The following VWDE variants were observed in gnomAD, a reference collection of about 807,000 sequenced individuals.
The protein encoded by VWDE is von Willebrand factor D and EGF domain-containing protein.
A neutral mutation model predicts 178.4 loss-of-function variants in VWDE; 207 were observed. The ratio of observed to expected loss-of-function variants is 1.16; its 90% CI spans 1.04 to 1.30. The LOEUF (loss-of-function observed/expected upper bound fraction) is 1.30. Ranked by LOEUF, VWDE falls within the 50% of genes most tolerant of loss-of-function variation. The pLI, the probability that VWDE is intolerant of heterozygous loss-of-function variation, is 0.00. For missense variants in VWDE, 2,287 were observed against 1,901.3 expected, an observed-to-expected ratio of 1.20 and a Z score of -3.77; for synonymous variants, 738 against 651.4, an observed-to-expected ratio of 1.13 and a Z score of -2.02.
At position 12,357,365 on chromosome 7, in the gene VWDE, G is replaced by A. The variant is rs1319255295; in HGVS notation, c.3425C>T (p.Ser1142Phe). The stretch of plus-strand genomic sequence containing the variant: ...TGTTTTCCACATAAAAAGCCCTGCA[G>A]AGGAAACACTTGCCCCTTCAGGACC... ...DSGPEGASVS[S>F]AGLFMWKTDL... The change falls in exon 17 of 29, where the codon TCT becomes TTT. Residue 1142 changes from serine (S) to phenylalanine (F), a missense_variant. Transcript: ENST00000275358. 3 of 1,552,000 alleles carry A rather than the reference G, an allele frequency of 1.9e-6. No individual in the cohort carries two copies. The highest frequency in any genetic ancestry group is 2.6e-6 in the Non-Finnish European group (3 of 1,147,076).
At chr7:12,374,638 CA>C in intron 9 of VWDE, 50 bp downstream of exon 9, 1 of 1,312,836 alleles carries the variant, frequency 7.6e-7, no homozygotes, top group South Asian at 1.4e-5. Flanking sequence ...AATAAAACAA[CA>C]AAATCAAAGC....
intron 18 of VWDE, chr7:12,354,210 A>T: frequency 3.6e-6 from 1 of 277,954 alleles, no homozygotes; most frequent in Non-Finnish European, 7.0e-6. Context: ...ATATTTTTGC[A>T]TCCTTTGTAT....
At position 12,337,051 on chromosome 7, in the gene VWDE, T is replaced by A; in HGVS notation, c.4495A>T (p.Lys1499Ter). 6.4e-7 allele frequency: 1 copy of A among 1,551,612 alleles called. No homozygotes were observed. The highest frequency in any genetic ancestry group is 1.7e-4 in the Middle Eastern group (1 of 5,992). The change falls in exon 26 of 29, where the codon AAA becomes TAA. Residue 1499 changes from lysine to a stop codon, truncating the protein, a stop_gained. Coordinates refer to ENST00000275358, the MANE Select transcript of VWDE (RefSeq NM_001135924.3). LOFTEE classifies it high-confidence loss of function. The stretch of plus-strand genomic sequence containing the variant: ...GAGCAAGTGCTTGGTCCCACACATT[T>A]TCCTCCATTCATGCACGTAGGATCA... Reference protein sequence around the residue: ...ICDPTCMNGGKCVGPSTCSCP... With the variant: ...ICDPTCMNGG
At chr7:12,366,853 T>A (rs939115634) in intron 13 of VWDE, among the ~76,000 whole-genome samples, 5 of 152,108 alleles carry the variant, frequency 3.3e-5, no homozygotes, top group African/African-American at 1.2e-4. Context: ...GTTGATATAC[T>A]AACGTTCAAA....
chr7:12,388,263 A>C (rs1290777846), intron 3 of VWDE, among the ~76,000 whole-genome samples: 1 of 152,180 alleles, frequency 6.6e-6, no homozygotes, highest in Non-Finnish European at 1.5e-5. Context: ...ACAAAAGAGA[A>C]GTGCTCTTAT....
At chr7:12,391,194 T>A (rs1388657612) in intron 2 of VWDE, among the ~76,000 whole-genome samples, 1 of 152,240 alleles carries the variant, frequency 6.6e-6, no homozygotes, top group East Asian at 1.9e-4. Flanking sequence ...ACAGTAGTTA[T>A]GACTGTGTGG....
intron 26 of VWDE, 129 bp downstream of exon 26, chr7:12,336,859 C>A: frequency 1.2e-6 from 1 of 824,716 alleles, no homozygotes; most frequent in Non-Finnish European, 1.9e-6. Context: ...TCTCCTAAAG[C>A]AAGAATAAAT....
At position 12,403,572 on chromosome 7, in the gene VWDE, C is replaced by T. The variant is rs1054226087; in HGVS notation, c.58+87G>A. On this transcript the variant is annotated intron_variant, in intron 1 of 28. Coordinates refer to ENST00000275358, the MANE Select transcript of VWDE (RefSeq NM_001135924.3). ...CCTTAAAACGCACAGGGACGCTCCCCAAGTCGTCCAAAAAGTCTAGCCTAG... is the reference window on the plus strand; with the variant it reads ...CCTTAAAACGCACAGGGACGCTCCCTAAGTCGTCCAAAAAGTCTAGCCTAG... 4 of 1,315,622 alleles carry T rather than the reference C, an allele frequency of 3.0e-6. No individual in the cohort carries two copies. The African/African-American group carries it at 5.9e-5, about 19-fold the overall frequency. 81.5% of individuals were successfully genotyped at this position (1,315,622 alleles called of 1,614,324 possible).
At chr7:12,380,391 G>A (rs1783778472) in intron 5 of VWDE, 95 bp downstream of exon 5, 3 of 1,444,762 alleles carry the variant, frequency 2.1e-6, no homozygotes, top group African/African-American at 1.4e-5. Flanking sequence ...TTTATACTCT[G>A]GGGACAAAAT....
chr7:12,379,579 T>C lies in VWDE; in HGVS notation c.790-13A>G, dbSNP rs1396237096. The C allele has an allele frequency of 6.6e-7, 1 of 1,515,034 alleles. No homozygotes were observed. Among genetic ancestry groups the C allele is most frequent in the African/African-American group, 1.4e-5 (1 of 71,488 alleles). The allele number at this position is 1,515,034 out of a possible 1,614,324, so 93.8% of individuals were successfully genotyped here. On this transcript the variant is annotated splice_polypyrimidine_tract_variant and intron_variant, in intron 5 of 28. Coordinates refer to ENST00000275358, the MANE Select transcript of VWDE (RefSeq NM_001135924.3). ...CGCTGCAGAATATCTATGGATATAA[T>C]TAAAAAATAATCACTTAGAAATTCA...
At chr7:12,385,179 A>G (rs554830579) in intron 3 of VWDE, among the ~76,000 whole-genome samples, 7 of 152,290 alleles carry the variant, frequency 4.6e-5, no homozygotes, top group Admixed American at 1.3e-4. Flanking sequence ...ACACATATAT[A>G]TGAATTCTGT....
In VWDE at chr7:12,346,633, A is replaced by T. The variant is rs563013553; in HGVS notation, c.3887-2164T>A. ...CTTTTTGGCGGGGGCGGGGGGGATC[A>T]TTATTTATTTCACCTGCCAAAATAC... On this transcript the variant is annotated intron_variant, in intron 19 of 28. Transcript: ENST00000275358. Among the ~76,000 whole-genome samples the T allele has an allele frequency of 2.0e-5, 3 of 151,918 alleles. No homozygotes were observed. The South Asian group carries it at 6.2e-4, about 32-fold the overall frequency.
chr7:12,349,342 T>C (rs930909369), intron 19 of VWDE, among the ~76,000 whole-genome samples: 3 of 151,194 alleles, frequency 2.0e-5, no homozygotes, highest in African/African-American at 4.8e-5. Context: ...AAAAAAAGTA[T>C]TGGACCTCTT....
At chr7:12,366,090 G>C (rs1042296119) in intron 13 of VWDE, among the ~76,000 whole-genome samples, 3 of 152,054 alleles carry the variant, frequency 2.0e-5, no homozygotes, top group Admixed American at 2.0e-4. Flanking sequence ...TTGTGAAGAA[G>C]GTGCCTCCGT....
At chr7:12,381,307 A>G (rs1028560679) in intron 4 of VWDE, among the ~76,000 whole-genome samples, 1 of 152,160 alleles carries the variant, frequency 6.6e-6, no homozygotes, top group Non-Finnish European at 1.5e-5. Flanking sequence ...ATTTTATATC[A>G]TTTTGAACTC....
intron 18 of VWDE, among the ~76,000 whole-genome samples, chr7:12,353,565 T>C (rs956856672): frequency 6.6e-6 from 1 of 152,214 alleles, no homozygotes; most frequent in African/African-American, 2.4e-5. Flanking sequence ...CTTGCTTCTT[T>C]ATTATCCCTT....
At chr7:12,383,176 T>C (rs1245489690) in intron 4 of VWDE, among the ~76,000 whole-genome samples, 1 of 152,062 alleles carries the variant, frequency 6.6e-6, no homozygotes, top group Admixed American at 6.6e-5. Flanking sequence ...ATTAGACAAA[T>C]TCTGTTATAA....
intron 27 of VWDE, among the ~76,000 whole-genome samples, chr7:12,335,275 C>T (rs985959498): frequency 6.6e-6 from 1 of 152,012 alleles, no homozygotes; most frequent in African/African-American, 2.4e-5. Context: ...ATTTTAACAT[C>T]TTTTTTCAAG....
intron 18 of VWDE, among the ~76,000 whole-genome samples, chr7:12,354,824 T>C (rs73680950): frequency 0.018 from 2,791 of 152,320 alleles, 83 homozygotes; most frequent in African/African-American, 0.064. Flanking sequence ...GTCAGTAATT[T>C]TTAAAAGTTA....
Sources: allele counts gnomAD v4.1 joint callset (sites outside exome capture counted in the v4.1 genomes callset), GRCh38; gene constraint gnomAD v4.1.1; transcripts MANE v1.5; gene names NCBI Gene and HGNC (gene_info 2026-07-23, HGNC 2026-07-21).